The following DLG2 variants were observed in gnomAD, a reference collection of about 807,000 sequenced individuals.
The protein encoded by DLG2 is discs large MAGUK scaffold protein 2.
A neutral mutation model predicts 132.5 loss-of-function variants in DLG2; 45 were observed. That is an observed-to-expected ratio of 0.34 (90% confidence interval 0.27 to 0.44). The LOEUF is 0.44. Ranked by LOEUF, DLG2 falls within the 20% of genes least tolerant of loss-of-function variation. The pLI, the probability that DLG2 is intolerant of heterozygous loss-of-function variation, is 1.00. For synonymous variants in DLG2, 424 were observed against 419.6 expected (o/e 1.01, Z -0.13); for missense variants, 1,045 against 1,196.9 (o/e 0.87, Z 1.87).
chr11:85,186,576 T>C (rs2080115064), intron 4 of DLG2, among the ~76,000 whole-genome samples: 1 of 152,132 alleles, frequency 6.6e-6, no homozygotes, highest in Non-Finnish European at 1.5e-5. Flanking sequence ...TTTACCTTTA[T>C]GGAACTTTTA....
chr11:83,609,800 G>A (rs1235883468), intron 19 of DLG2, among the ~76,000 whole-genome samples: 1 of 152,070 alleles, frequency 6.6e-6, no homozygotes, highest in African/African-American at 2.4e-5. Flanking sequence ...GAGCCCTATC[G>A]TTTTCTACTG....
intron 6 of DLG2, among the ~76,000 whole-genome samples, chr11:85,081,730 T>C (rs2067256313): frequency 6.6e-6 from 1 of 152,168 alleles, no homozygotes; most frequent in African/African-American, 2.4e-5. Flanking sequence ...CTGTGGCTGC[T>C]GGCACCAGAA....
intron 27 of DLG2, among the ~76,000 whole-genome samples, chr11:83,461,308 G>T (rs1379542818): frequency 6.6e-6 from 1 of 152,006 alleles, no homozygotes; most frequent in East Asian, 1.9e-4. Flanking sequence ...CAGCTCGAAA[G>T]TTCTTGTTTT....
intron 21 of DLG2, among the ~76,000 whole-genome samples, chr11:83,494,547 C>A (rs2094045354): frequency 6.6e-6 from 1 of 150,756 alleles, no homozygotes; most frequent in African/African-American, 2.4e-5. Context: ...GTTGAACTGC[C>A]TATTTCTTTT....
intron 6 of DLG2, among the ~76,000 whole-genome samples, chr11:84,566,808 T>G (rs2099458007): frequency 6.6e-6 from 1 of 152,192 alleles, no homozygotes; most frequent in South Asian, 2.1e-4. Context: ...GATTGCAGGA[T>G]AAATTTTTTA....
intron 18 of DLG2, among the ~76,000 whole-genome samples, chr11:83,707,761 T>C (rs2084392023): frequency 6.6e-6 from 1 of 152,214 alleles, no homozygotes; most frequent in South Asian, 2.1e-4. Context: ...TCCCTCTCAG[T>C]GCACTCACGG....
chr11:85,523,042 C>A (rs2074441331), intron 3 of DLG2, among the ~76,000 whole-genome samples: 1 of 152,146 alleles, frequency 6.6e-6, no homozygotes, highest in South Asian at 2.1e-4. Context: ...TGTCCCCACC[C>A]AAATGTCATC....
intron 6 of DLG2, among the ~76,000 whole-genome samples, chr11:84,635,008 CTGGAGGAGAGGA>C (rs2099638262): frequency 1.3e-5 from 2 of 152,164 alleles, no homozygotes; most frequent in Non-Finnish European, 2.9e-5. Context: ...ATTCAATCCG[CTGGAGGAGAGGA>C]TGACAACAGG....
chr11:84,498,655 T>A (rs1475033704), intron 7 of DLG2, among the ~76,000 whole-genome samples: 2 of 152,132 alleles, frequency 1.3e-5, no homozygotes, highest in Admixed American at 1.3e-4. Flanking sequence ...AACCCTACTT[T>A]AAAAAAATGA....
chr11:84,873,490 A>G lies in DLG2; in HGVS notation c.357+238171T>C, dbSNP rs561047068. Among the ~76,000 whole-genome samples, 200 of 152,344 alleles carry G rather than the reference A, an allele frequency of 1.3e-3. 2 individuals carry two copies. The highest frequency in any genetic ancestry group is 4.8e-3 in the African/African-American group (198 of 41,572). On this transcript the variant is annotated intron_variant, in intron 6 of 27. Transcript: ENST00000376104. ...CCACTGAGTTGTAATTCATTACATT[A>G]GCACTAATAACTAATATATTTACCA...
intron 6 of DLG2, among the ~76,000 whole-genome samples, chr11:84,890,226 A>G (rs2089122941): frequency 6.6e-6 from 1 of 152,122 alleles, no homozygotes; most frequent in Non-Finnish European, 1.5e-5. Flanking sequence ...CTTTTTGGAT[A>G]TTGGAAATGT....
chr11:83,656,752 G>A (rs1419779060), intron 18 of DLG2, among the ~76,000 whole-genome samples: 2 of 152,158 alleles, frequency 1.3e-5, no homozygotes, highest in Non-Finnish European at 1.5e-5. Flanking sequence ...TATCACTAAT[G>A]AATTAAAATA....
At chr11:83,947,945 G>A (rs140108290) in intron 14 of DLG2, among the ~76,000 whole-genome samples, 5 of 152,098 alleles carry the variant, frequency 3.3e-5, no homozygotes, top group Admixed American at 6.5e-5. Flanking sequence ...GCATCTCTCC[G>A]TCCATTTTGT....
intron 6 of DLG2, among the ~76,000 whole-genome samples, chr11:84,759,258 T>G (rs1318328485): frequency 6.6e-6 from 1 of 152,134 alleles, no homozygotes; most frequent in Non-Finnish European, 1.5e-5. Flanking sequence ...TGAATAAAAT[T>G]CTCATTGCCT....
chr11:84,608,040 A>G (rs2099588885), intron 6 of DLG2, among the ~76,000 whole-genome samples: 1 of 152,158 alleles, frequency 6.6e-6, no homozygotes, highest in African/African-American at 2.4e-5. Context: ...GCTTGAGAAA[A>G]GCAACCTCTA....
chr11:84,198,004 T>C (rs1367740288), intron 8 of DLG2, among the ~76,000 whole-genome samples: 2 of 152,208 alleles, frequency 1.3e-5, no homozygotes, highest in Admixed American at 1.3e-4. Flanking sequence ...AATATTAAGA[T>C]ACTTTTCCCT....
At chr11:85,355,092 G>A (rs1163248966) in intron 3 of DLG2, among the ~76,000 whole-genome samples, 9 of 151,986 alleles carry the variant, frequency 5.9e-5, no homozygotes, top group African/African-American at 2.2e-4. Context: ...AGGCTTTAAT[G>A]TTATAATACA....
chr11:84,277,362 G>A (rs759589009), intron 7 of DLG2, among the ~76,000 whole-genome samples: 14 of 151,986 alleles, frequency 9.2e-5, no homozygotes, highest in African/African-American at 1.2e-4. Context: ...AAAGATTCAC[G>A]TCACAGGAAA....
At chr11:84,082,184 G>A (rs961087570) in intron 10 of DLG2, among the ~76,000 whole-genome samples, 4 of 150,992 alleles carry the variant, frequency 2.6e-5, no homozygotes, top group African/African-American at 9.8e-5. Flanking sequence ...AAAATACTTT[G>A]TAAATTCTGG....
Sources: gnomAD v4.1 joint callset for allele counts (sites outside exome capture counted in the v4.1 genomes callset) on GRCh38, gnomAD v4.1.1 for gene constraint, MANE v1.5 for transcripts, NCBI Gene and HGNC (gene_info 2026-07-23, HGNC 2026-07-21) for gene names.